NCBP1: variants seen among roughly 807,000 people sequenced by gnomAD.
The protein encoded by NCBP1 is nuclear cap binding protein subunit 1, also known as nuclear cap-binding protein subunit 1.
A neutral mutation model predicts 111.7 loss-of-function variants in NCBP1; 16 were observed. The observed-to-expected ratio is 0.14, with a 90% CI of 0.10 to 0.22. NCBP1 has a LOEUF of 0.22. NCBP1 is among the 10% of genes least tolerant of loss of function. NCBP1 has a pLI of 1.00. For missense variants in NCBP1, 607 were observed against 957.5 expected (o/e 0.63, Z 4.83); for synonymous variants, 304 against 314.3 (o/e 0.97, Z 0.35).
At chr9:97,666,691 C>A in intron 19 of NCBP1, 72 bp from the exon 20 acceptor site, 2 of 1,027,882 alleles carry the variant, frequency 1.9e-6, no homozygotes, top group Non-Finnish European at 1.4e-6. Flanking sequence ...AATGAAATTA[C>A]AAAAGTTGAA....
intron 11 of NCBP1, among the ~76,000 whole-genome samples, chr9:97,654,666 A>G (rs1436158396): frequency 1.3e-5 from 2 of 152,130 alleles, no homozygotes; most frequent in African/African-American, 4.8e-5. Flanking sequence ...TGAAAATATT[A>G]TCTTGATTTC....
At position 97,640,897 on chromosome 9, in the gene NCBP1, A is replaced by AG; in HGVS notation, c.123+17dup. On this transcript the variant is annotated intron_variant, in intron 2 of 22. Transcript: ENST00000375147. ...TAGGAGAAAAGGTATGTCACACAAT[A>AG]GGCACAGGCTGTGATGGGTTTAAGA... 6.4e-7 allele frequency: 1 copy of AG among 1,554,646 alleles called. No individual in the cohort carries two copies. Among genetic ancestry groups the AG allele is most frequent in the East Asian group, 2.3e-5 (1 of 44,140 alleles).
At chr9:97,665,280 A>G (rs1412933801) in intron 19 of NCBP1, among the ~76,000 whole-genome samples, 1 of 152,260 alleles carries the variant, frequency 6.6e-6, no homozygotes, top group Non-Finnish European at 1.5e-5. Context: ...GTAAACTCTC[A>G]GAAAACTAAC....
intron 3 of NCBP1, 143 bp from the exon 4 acceptor site, chr9:97,643,061 G>A: frequency 2.7e-6 from 2 of 743,592 alleles, no homozygotes; most frequent in South Asian, 2.7e-5. Context: ...TCAATGACAT[G>A]CTTTTTCTGA....
chr9:97,656,513 T>C (rs1338583740), intron 14 of NCBP1, among the ~76,000 whole-genome samples: 1 of 152,098 alleles, frequency 6.6e-6, no homozygotes, highest in Non-Finnish European at 1.5e-5. Flanking sequence ...ATGGCGCCAC[T>C]GCACTCCAAT....
chr9:97,647,342 C>T, intron 6 of NCBP1, 150 bp from the exon 7 acceptor site: 1 of 583,792 alleles, frequency 1.7e-6, no homozygotes, highest in African/African-American at 1.9e-5. Context: ...CTTGATGATA[C>T]ACAGTACATT....
intron 19 of NCBP1, 123 bp downstream of exon 19, chr9:97,664,566 T>G: frequency 1.6e-6 from 1 of 620,388 alleles, no homozygotes; most frequent in African/African-American, 1.8e-5. Context: ...TGGTCCAATC[T>G]GGTAGGATTG....
rs141125284 is a variant in NCBP1, at chr9:97,664,574, T to C, written c.1901+131T>C. The C allele has an allele frequency of 1.6e-3, 975 of 593,950 alleles. 11 individuals are homozygous for C. The Admixed American group carries it at 0.023, about 14-fold the overall frequency. The allele number at this position is 593,950 out of a possible 1,614,324, so 36.8% of individuals were successfully genotyped here. On this transcript the variant is annotated intron_variant, in intron 19 of 22. Coordinates refer to ENST00000375147, the MANE Select transcript of NCBP1 (RefSeq NM_002486.5). ...ATACTAATGGTCCAATCTGGTAGGA[T>C]TGGACATGGCAAAAATTCCTAGACA...
intron 1 of NCBP1, chr9:97,635,704 G>A (rs1421172490): frequency 1.3e-5 from 2 of 151,698 alleles, no homozygotes; most frequent in East Asian, 3.9e-4. Flanking sequence ...TTACAGATGT[G>A]AGCTACTGCG....
intron 20 of NCBP1, among the ~76,000 whole-genome samples, chr9:97,668,052 GA>G (rs1476716207): frequency 5.3e-5 from 8 of 152,182 alleles, no homozygotes. Context: ...GCTTAAAGTG[GA>G]GAGATCAGTA....
intron 9 of NCBP1, 53 bp from the exon 10 acceptor site, chr9:97,651,257 G>T: frequency 6.8e-7 from 1 of 1,472,492 alleles, no homozygotes; most frequent in South Asian, 1.3e-5. Context: ...CTGCTTATTT[G>T]ACTTTTCTTG....
intron 9 of NCBP1, 129 bp downstream of exon 9, chr9:97,650,729 A>G (rs946148259): frequency 1.3e-5 from 9 of 690,536 alleles, no homozygotes; most frequent in African/African-American, 8.9e-5. Flanking sequence ...GCTAAAATCA[A>G]TTTCTAAAAA....
rs1827308352 is a variant in NCBP1 at position 97,645,470 on chromosome 9, TC to T, written c.490-140del. The T allele has an allele frequency of 3.3e-6, 3 of 904,088 alleles. No individual in the cohort carries two copies. In the African/African-American group the frequency reaches 5.1e-5, roughly 15 times the overall value. The allele number at this position is 904,088 out of a possible 1,614,324, so 56.0% of individuals were successfully genotyped here. ...GTCTAGTAAGATTAGAACTAATATATCTAGAAATGCTCTGTATAAACCAGAT... is the reference window on the plus strand; with the variant it reads ...GTCTAGTAAGATTAGAACTAATATATTAGAAATGCTCTGTATAAACCAGAT... On this transcript the variant is annotated intron_variant, in intron 5 of 22. Transcript: ENST00000375147.
chr9:97,634,003 G>GT, intron 1 of NCBP1, 88 bp downstream of exon 1: 1 of 1,391,634 alleles, frequency 7.2e-7, no homozygotes, highest in Non-Finnish European at 9.6e-7. Flanking sequence ...GAGACTGGAA[G>GT]CTCTTCTCCC....
chr9:97,658,552 G>T, intron 14 of NCBP1, 88 bp from the exon 15 acceptor site: 1 of 984,600 alleles, frequency 1.0e-6, no homozygotes, highest in Admixed American at 1.8e-5. Context: ...TCAAGTTGTT[G>T]GAGATCATGA....
intron 1 of NCBP1, among the ~76,000 whole-genome samples, chr9:97,637,595 TGA>T (rs1827082942): frequency 6.6e-6 from 1 of 151,796 alleles, no homozygotes; most frequent in African/African-American, 2.4e-5. Flanking sequence ...TTTGTTATTT[TGA>T]GAGAGTATAG....
chr9:97,663,349 T>C (rs925751493), intron 18 of NCBP1, among the ~76,000 whole-genome samples: 5 of 152,236 alleles, frequency 3.3e-5, no homozygotes, highest in East Asian at 3.8e-4. Flanking sequence ...AACCTTGATA[T>C]ATATTGTGTA....
intron 1 of NCBP1, among the ~76,000 whole-genome samples, chr9:97,637,601 A>C (rs1032771713): frequency 4.6e-5 from 7 of 151,352 alleles, no homozygotes; most frequent in African/African-American, 1.7e-4. Flanking sequence ...ATTTTGAGAG[A>C]GTATAGTTTA....
chr9:97,658,134 G>A (rs1212397789), intron 14 of NCBP1, among the ~76,000 whole-genome samples: 5 of 150,868 alleles, frequency 3.3e-5, no homozygotes, highest in African/African-American at 9.8e-5. Flanking sequence ...TTGCCATTGG[G>A]GTGTCATTGG....
Sources: allele counts gnomAD v4.1 joint callset (sites outside exome capture counted in the v4.1 genomes callset), GRCh38; gene constraint gnomAD v4.1.1; transcripts MANE v1.5; gene names NCBI Gene and HGNC (gene_info 2026-07-23, HGNC 2026-07-21).